The following SPAG16 variants were observed in gnomAD, a reference collection of about 807,000 sequenced individuals.
SPAG16 encodes the protein sperm-associated antigen 16 protein.
Under a neutral mutation model 80.4 loss-of-function variants are expected in SPAG16, and 86 were observed. The ratio of observed to expected loss-of-function variants is 1.07; its 90% CI spans 0.90 to 1.28. SPAG16 has a LOEUF of 1.28. SPAG16 is among the 50% of genes most tolerant of loss of function. The pLI, the probability that SPAG16 is intolerant of heterozygous loss-of-function variation, is 0.00. For missense variants in SPAG16, 870 were observed against 765.3 expected, an observed-to-expected ratio of 1.14 and a Z score of -1.61; for synonymous variants, 294 against 265.9, an observed-to-expected ratio of 1.11 and a Z score of -1.03.
intron 15 of SPAG16, among the ~76,000 whole-genome samples, chr2:214,226,748 A>G (rs1466672004): frequency 6.6e-6 from 1 of 152,060 alleles, no homozygotes; most frequent in Non-Finnish European, 1.5e-5. Flanking sequence ...GAGATACAAG[A>G]CATGAAATTC....
At chr2:213,880,593 T>A (rs2076306139) in intron 11 of SPAG16, among the ~76,000 whole-genome samples, 1 of 152,182 alleles carries the variant, frequency 6.6e-6, no homozygotes, top group South Asian at 2.1e-4. Flanking sequence ...TCTTCTAGGA[T>A]TTTTATAGTT....
At chr2:213,856,495 C>T (rs10932505) in intron 10 of SPAG16, among the ~76,000 whole-genome samples, 52,319 of 152,094 alleles carry the variant, frequency 0.34, 9,458 homozygotes, top group South Asian at 0.47. Flanking sequence ...ACCCACATTT[C>T]CCTTCCACAC....
At chr2:213,992,559 CAT>C (rs2046336574) in intron 12 of SPAG16, among the ~76,000 whole-genome samples, 1 of 152,010 alleles carries the variant, frequency 6.6e-6, no homozygotes. Flanking sequence ...GGACTTTAAA[CAT>C]ATTTGTTTTC....
chr2:214,133,891 GA>G (rs541846820), intron 14 of SPAG16, among the ~76,000 whole-genome samples: 67 of 152,260 alleles, frequency 4.4e-4, no homozygotes, highest in African/African-American at 1.5e-3. Context: ...AAGTGCAGCA[GA>G]AGGCTCAAGT....
At chr2:214,352,501 C>T (rs951149340) in intron 15 of SPAG16, among the ~76,000 whole-genome samples, 5 of 146,968 alleles carry the variant, frequency 3.4e-5, no homozygotes, top group African/African-American at 1.3e-4. Context: ...GATACTCAGC[C>T]TCAGAGCTGT....
At chr2:214,383,791 G>C (rs980774843) in intron 15 of SPAG16, among the ~76,000 whole-genome samples, 4 of 152,072 alleles carry the variant, frequency 2.6e-5, no homozygotes, top group Non-Finnish European at 4.4e-5. Flanking sequence ...GTCATCAAAA[G>C]ACAAGTGATG....
intron 11 of SPAG16, among the ~76,000 whole-genome samples, chr2:213,917,995 T>C (rs545197773): frequency 5.8e-4 from 88 of 152,334 alleles, no homozygotes; most frequent in African/African-American, 2.0e-3. Context: ...ATGTATTTTA[T>C]CAAAAGACTT....
intron 6 of SPAG16, among the ~76,000 whole-genome samples, chr2:213,343,308 A>G (rs564906689): frequency 1.3e-5 from 2 of 152,274 alleles, no homozygotes; most frequent in East Asian, 3.9e-4. Context: ...TCCTAGACAA[A>G]GTGTTGCTTT....
At chr2:213,319,280 G>A (rs980631275) in intron 5 of SPAG16, among the ~76,000 whole-genome samples, 1 of 151,912 alleles carries the variant, frequency 6.6e-6, no homozygotes, top group African/African-American at 2.4e-5. Flanking sequence ...AAAGAAACAT[G>A]CCTTTTCATT....
intron 10 of SPAG16, among the ~76,000 whole-genome samples, chr2:213,515,679 C>T (rs1379151772): frequency 6.6e-6 from 1 of 152,034 alleles, no homozygotes; most frequent in Admixed American, 6.6e-5. Flanking sequence ...CTTACCTTGG[C>T]GCTTTAAAGT....
chr2:214,124,743 A>T (rs2054393810), intron 14 of SPAG16, among the ~76,000 whole-genome samples: 1 of 151,794 alleles, frequency 6.6e-6, no homozygotes, highest in African/African-American at 2.4e-5. Flanking sequence ...CACGGGCAGA[A>T]CAAGAGAGTC....
chr2:214,195,750 A>C (rs1364938966), intron 15 of SPAG16, among the ~76,000 whole-genome samples: 1 of 152,020 alleles, frequency 6.6e-6, no homozygotes, highest in Non-Finnish European at 1.5e-5. Flanking sequence ...GACACTTGGC[A>C]AGTCTGAGAT....
chr2:213,685,313 A>G (rs1307295300), intron 10 of SPAG16, among the ~76,000 whole-genome samples: 2 of 152,222 alleles, frequency 1.3e-5, no homozygotes, highest in Non-Finnish European at 2.9e-5. Context: ...TGTAAGAAGG[A>G]GAAAGGTGGG....
At chr2:213,395,482 A>T (rs2067985994) in intron 9 of SPAG16, among the ~76,000 whole-genome samples, 1 of 152,046 alleles carries the variant, frequency 6.6e-6, no homozygotes, top group South Asian at 2.1e-4. Flanking sequence ...TGACGTATAG[A>T]TTATTTAGAA....
chr2:214,159,599 T>C (rs1318955530), intron 15 of SPAG16, among the ~76,000 whole-genome samples: 1 of 151,972 alleles, frequency 6.6e-6, no homozygotes, highest in African/African-American at 2.4e-5. Flanking sequence ...GTTATATTTA[T>C]CTAAAATTGA....
At chr2:213,525,911 T>A (rs1011806274) in intron 10 of SPAG16, among the ~76,000 whole-genome samples, 1 of 152,168 alleles carries the variant, frequency 6.6e-6, no homozygotes, top group African/African-American at 2.4e-5. Flanking sequence ...AGGTTGTACA[T>A]GTGTTTCATA....
intron 11 of SPAG16, among the ~76,000 whole-genome samples, chr2:213,904,386 A>C (rs1299078261): frequency 6.6e-6 from 1 of 152,148 alleles, no homozygotes; most frequent in Non-Finnish European, 1.5e-5. Flanking sequence ...AAAATGAGGA[A>C]GATGCAAAAG....
chr2:213,836,747 A>G (rs992734081), intron 10 of SPAG16, among the ~76,000 whole-genome samples: 4 of 152,012 alleles, frequency 2.6e-5, no homozygotes, highest in African/African-American at 9.7e-5. Flanking sequence ...CTGAGTAGCT[A>G]GGATTGCAGG....
intron 15 of SPAG16, among the ~76,000 whole-genome samples, chr2:214,257,993 T>C (rs1283652809): frequency 6.6e-6 from 1 of 152,154 alleles, no homozygotes; most frequent in African/African-American, 2.4e-5. Flanking sequence ...GATGTAGAGC[T>C]ACTCAGATTT....
Sources: gnomAD v4.1 joint callset for allele counts (sites outside exome capture counted in the v4.1 genomes callset) on GRCh38, gnomAD v4.1.1 for gene constraint, MANE v1.5 for transcripts, NCBI Gene and HGNC (gene_info 2026-07-23, HGNC 2026-07-21) for gene names.